Variants in XKR4 observed in about 807,000 individuals in gnomAD.
The protein encoded by XKR4 is XK-related protein 4.
XKR4 carries 12 observed loss-of-function variants against 53.9 expected under a neutral mutation model. That is an observed-to-expected ratio of 0.22 (90% CI 0.14 to 0.36). The LOEUF (loss-of-function observed/expected upper bound fraction) is 0.36. Among genes scored for constraint, XKR4 ranks in the 10% least tolerant of loss-of-function variants. The pLI, the probability that XKR4 is intolerant of heterozygous loss-of-function variation, is 1.00. For missense variants in XKR4, 799 were observed against 859.5 expected (o/e 0.93, Z 0.88); for synonymous variants, 354 against 362.4 (o/e 0.98, Z 0.26).
At chr8:55,104,185 A>T (rs1816105402) in intron 1 of XKR4, among the ~76,000 whole-genome samples, 1 of 152,088 alleles carries the variant, frequency 6.6e-6, no homozygotes, top group Non-Finnish European at 1.5e-5. Context: ...CACTGCATGG[A>T]CTTAGGAGCA....
At chr8:55,457,810 C>T (rs1805592292) in intron 2 of XKR4, among the ~76,000 whole-genome samples, 1 of 152,108 alleles carries the variant, frequency 6.6e-6, no homozygotes, top group African/African-American at 2.4e-5. Context: ...TTCATACACA[C>T]ACAGTTAGGT....
intron 1 of XKR4, among the ~76,000 whole-genome samples, chr8:55,297,266 G>C (rs1283800044): frequency 6.6e-6 from 1 of 152,174 alleles, no homozygotes; most frequent in Non-Finnish European, 1.5e-5. Flanking sequence ...TTTGATGAAT[G>C]AGTAATACTG....
chr8:55,407,080 C>A (rs1235424680), intron 2 of XKR4, among the ~76,000 whole-genome samples: 1 of 152,176 alleles, frequency 6.6e-6, no homozygotes, highest in African/African-American at 2.4e-5. Context: ...CTCCAGCCAG[C>A]AAACCCCATC....
At position 55,161,020 on chromosome 8, in the gene XKR4, A is replaced by C. The variant is rs1044513322; in HGVS notation, c.806+57726A>C. 3.9e-5 allele frequency among the ~76,000 whole-genome samples: 6 copies of C among 152,344 alleles called. No homozygotes were observed. In the South Asian group the frequency reaches 1.0e-3, roughly 26 times the overall value. ...CTGGAGACATTGGTGATTGTTGAGT[A>C]GGTGTGATGGCTTCTTTAATCCAAA... On this transcript the variant is annotated intron_variant, in intron 1 of 2. Coordinates refer to ENST00000327381, the MANE Select transcript of XKR4 (RefSeq NM_052898.2).
chr8:55,196,231 G>A (rs969691249), intron 1 of XKR4, among the ~76,000 whole-genome samples: 5 of 149,938 alleles, frequency 3.3e-5, no homozygotes, highest in Non-Finnish European at 5.9e-5. Flanking sequence ...GCCCAGGCTG[G>A]AGTGCAATGG....
chr8:55,144,306 G>C (rs1031203217), intron 1 of XKR4, among the ~76,000 whole-genome samples: 14 of 152,096 alleles, frequency 9.2e-5, no homozygotes, highest in Non-Finnish European at 1.9e-4. Flanking sequence ...TTGAAACCCA[G>C]GGATGTCTTG....
intron 1 of XKR4, among the ~76,000 whole-genome samples, chr8:55,315,809 G>A (rs1270054695): frequency 6.6e-6 from 1 of 152,188 alleles, no homozygotes; most frequent in Non-Finnish European, 1.5e-5. Flanking sequence ...AAACACTGGA[G>A]TTTTTAATGC....
At chr8:55,334,594 C>T (rs1325141687) in intron 1 of XKR4, among the ~76,000 whole-genome samples, 1 of 152,132 alleles carries the variant, frequency 6.6e-6, no homozygotes, top group African/African-American at 2.4e-5. Flanking sequence ...ATTCCTGGAC[C>T]CCTCTCTTCA....
chr8:55,451,635 G>A, intron 2 of XKR4: 2 of 1,548,228 alleles, frequency 1.3e-6, no homozygotes, highest in Non-Finnish European at 1.8e-6. Flanking sequence ...AGTAGGACAC[G>A]CGCTGCAGGG....
At chr8:55,237,078 CT>C (rs1298454729) in intron 1 of XKR4, among the ~76,000 whole-genome samples, 1 of 152,212 alleles carries the variant, frequency 6.6e-6, no homozygotes, top group East Asian at 1.9e-4. Flanking sequence ...GACTTCCACT[CT>C]CTAAGGCAGA....
At chr8:55,463,279 C>T (rs1455390442) in intron 2 of XKR4, among the ~76,000 whole-genome samples, 1 of 152,208 alleles carries the variant, frequency 6.6e-6, no homozygotes, top group Non-Finnish European at 1.5e-5. Context: ...AACTGTCTCT[C>T]AGACCATAGT....
intron 2 of XKR4, among the ~76,000 whole-genome samples, chr8:55,513,140 A>C (rs576296239): frequency 3.9e-5 from 6 of 152,314 alleles, no homozygotes; most frequent in African/African-American, 1.2e-4. Context: ...AAGTCCACGA[A>C]GCATGAATAA....
At chr8:55,111,013 A>G (rs1267952532) in intron 1 of XKR4, among the ~76,000 whole-genome samples, 2 of 152,122 alleles carry the variant, frequency 1.3e-5, no homozygotes. Context: ...GTCTTTTTTA[A>G]CCCTAAAATA....
At chr8:55,308,080 C>T (rs1819331009) in intron 1 of XKR4, among the ~76,000 whole-genome samples, 1 of 152,006 alleles carries the variant, frequency 6.6e-6, no homozygotes, top group African/African-American at 2.4e-5. Flanking sequence ...TGGTGAAACC[C>T]CGTCTCTACT....
At chr8:55,115,608 C>A (rs758378997) in intron 1 of XKR4, among the ~76,000 whole-genome samples, 2 of 152,016 alleles carry the variant, frequency 1.3e-5, no homozygotes, top group African/African-American at 4.8e-5. Flanking sequence ...CATGGTGAAA[C>A]CTCATCTCTA....
At chr8:55,265,789 G>A (rs976411304) in intron 1 of XKR4, among the ~76,000 whole-genome samples, 2 of 151,814 alleles carry the variant, frequency 1.3e-5, no homozygotes, top group Admixed American at 6.6e-5. Context: ...GACCATCCTG[G>A]TCAACATGGT....
In XKR4 at chr8:55,455,017, G is replaced by A. The variant is rs1349394065; in HGVS notation, c.1007-68264G>A. 6.5e-6 allele frequency: 5 copies of A among 766,402 alleles called. No individual in the cohort carries two copies. The East Asian group carries it at 1.2e-4, about 19-fold the overall frequency. The allele number at this position is 766,402 out of a possible 1,614,324, so 47.5% of individuals were successfully genotyped here. On this transcript the variant is annotated intron_variant, in intron 2 of 2. Coordinates refer to ENST00000327381, the MANE Select transcript of XKR4 (RefSeq NM_052898.2). Reference sequence around the variant, plus strand: ...CGCTGGACTGGCAAAACAGCTGGGGGAATGGGTTGGCCTCCCAGTCCTTCT... The same window carrying A: ...CGCTGGACTGGCAAAACAGCTGGGGAAATGGGTTGGCCTCCCAGTCCTTCT...
rs530965473 is a variant in XKR4, at chr8:55,240,483, G to T, written c.807-117195G>T. ...CTGAAGGAGTATCTGAACCTGACAT[G>T]GCAGAGAGATAGGAAAGGCTCAAGA... On this transcript the variant is annotated intron_variant, in intron 1 of 2. Coordinates refer to ENST00000327381, the MANE Select transcript of XKR4 (RefSeq NM_052898.2). 3.4e-4 allele frequency among the ~76,000 whole-genome samples: 52 copies of T among 152,280 alleles called. No individual in the cohort carries two copies. The South Asian group carries it at 0.011, about 31-fold the overall frequency.
chr8:55,323,453 G>A (rs1356152931), intron 1 of XKR4, among the ~76,000 whole-genome samples: 1 of 152,136 alleles, frequency 6.6e-6, no homozygotes, highest in Admixed American at 6.6e-5. Context: ...ACAATATGCA[G>A]CTTTTGAGAC....
Sources: allele counts gnomAD v4.1 joint callset (sites outside exome capture counted in the v4.1 genomes callset), GRCh38; gene constraint gnomAD v4.1.1; transcripts MANE v1.5; gene names NCBI Gene and HGNC (gene_info 2026-07-23, HGNC 2026-07-21).